Variants in IPCEF1 observed in about 807,000 individuals in gnomAD.
The protein encoded by IPCEF1 is interactor protein for cytohesin exchange factors 1.
IPCEF1 carries 31 observed loss-of-function variants against 50.9 expected under a neutral mutation model. That is an observed-to-expected ratio of 0.61 (90% CI 0.46 to 0.82). The LOEUF is 0.82. Ranked by LOEUF, IPCEF1 falls within the 40% of genes least tolerant of loss-of-function variation. The pLI, the probability that IPCEF1 is intolerant of heterozygous loss-of-function variation, is 0.00. For missense variants in IPCEF1, 458 were observed against 514.0 expected (o/e 0.89, Z 1.05); for synonymous variants, 181 against 192.0 (o/e 0.94, Z 0.47).
At chr6:154,317,856 G>T (rs1783262858) in intron 1 of IPCEF1, among the ~76,000 whole-genome samples, 1 of 151,836 alleles carries the variant, frequency 6.6e-6, no homozygotes, top group Non-Finnish European at 1.5e-5. Context: ...TGAAGAGAAA[G>T]AAAAACATGT....
chr6:154,292,783 A>T (rs1782545964), intron 1 of IPCEF1, among the ~76,000 whole-genome samples: 1 of 152,206 alleles, frequency 6.6e-6, no homozygotes, highest in Non-Finnish European at 1.5e-5. Flanking sequence ...CAGTGGAAAA[A>T]ATGGGTATTA....
chr6:154,218,463 A>G (rs1778591457), intron 7 of IPCEF1, among the ~76,000 whole-genome samples: 1 of 152,214 alleles, frequency 6.6e-6, no homozygotes, highest in South Asian at 2.1e-4. Flanking sequence ...CCAGAAATGC[A>G]GTTGCCCAGG....
chr6:154,343,019 G>C (rs1282519244), intron 1 of IPCEF1, among the ~76,000 whole-genome samples: 3 of 152,182 alleles, frequency 2.0e-5, no homozygotes, highest in African/African-American at 7.2e-5. Context: ...AGGAGGCTGA[G>C]GCAGGAGGAT....
At chr6:154,324,214 T>A (rs1481464278) in intron 1 of IPCEF1, among the ~76,000 whole-genome samples, 1 of 152,188 alleles carries the variant, frequency 6.6e-6, no homozygotes, top group Non-Finnish European at 1.5e-5. Context: ...GGAACACATC[T>A]AATAAAGCTA....
chr6:154,353,780 T>C (rs192127652), intron 1 of IPCEF1, among the ~76,000 whole-genome samples: 114 of 152,334 alleles, frequency 7.5e-4, no homozygotes, highest in African/African-American at 2.6e-3. Flanking sequence ...TCTGCAGTAT[T>C]TTTACATAGT....
intron 10 of IPCEF1, among the ~76,000 whole-genome samples, chr6:154,171,866 A>T: frequency 6.6e-6 from 1 of 152,216 alleles, no homozygotes. Flanking sequence ...TTTTTAAAAA[A>T]ATACAGCTAA....
At chr6:154,210,896 G>A (rs936754454) in intron 9 of IPCEF1, among the ~76,000 whole-genome samples, 3 of 152,192 alleles carry the variant, frequency 2.0e-5, no homozygotes, top group East Asian at 1.9e-4. Flanking sequence ...ATTAGAAAAT[G>A]ACCACAATTC....
At chr6:154,299,417 A>G (rs927337831) in intron 1 of IPCEF1, among the ~76,000 whole-genome samples, 5 of 141,776 alleles carry the variant, frequency 3.5e-5, no homozygotes, top group Non-Finnish European at 6.3e-5. Flanking sequence ...TGGCACATAT[A>G]TATCATGGAA....
At chr6:154,350,577 C>T (rs1784103601) in intron 1 of IPCEF1, among the ~76,000 whole-genome samples, 1 of 152,220 alleles carries the variant, frequency 6.6e-6, no homozygotes, top group Non-Finnish European at 1.5e-5. Context: ...TACAGATGGG[C>T]TTATTACTAG....
chr6:154,186,576 A>G (rs1406984757), intron 10 of IPCEF1, among the ~76,000 whole-genome samples: 2 of 149,068 alleles, frequency 1.3e-5, no homozygotes. Flanking sequence ...TTTTTTTTTG[A>G]GACGGAGTCT....
At chr6:154,307,406 C>A (rs1476312028) in intron 1 of IPCEF1, among the ~76,000 whole-genome samples, 1 of 152,196 alleles carries the variant, frequency 6.6e-6, no homozygotes, top group Non-Finnish European at 1.5e-5. Context: ...GCTTCCCCAG[C>A]CACATGCAAC....
chr6:154,290,587 G>A (rs75703131), intron 1 of IPCEF1, among the ~76,000 whole-genome samples: 1,935 of 152,256 alleles, frequency 0.013, 47 homozygotes, highest in African/African-American at 0.043. Flanking sequence ...CAAGAATCAA[G>A]TTGGTGCAGA....
intron 1 of IPCEF1, among the ~76,000 whole-genome samples, chr6:154,315,928 C>T (rs1274202858): frequency 1.3e-5 from 2 of 152,146 alleles, no homozygotes; most frequent in Non-Finnish European, 2.9e-5. Flanking sequence ...ACTGCAATCT[C>T]AGCTCACTGC....
chr6:154,273,193 G>A (rs1334503915), intron 2 of IPCEF1, among the ~76,000 whole-genome samples: 2 of 152,144 alleles, frequency 1.3e-5, no homozygotes, highest in African/African-American at 4.8e-5. Flanking sequence ...CTGGCATTCA[G>A]CAAGACATTA....
chr6:154,291,831 C>T (rs1462642129), intron 1 of IPCEF1, among the ~76,000 whole-genome samples: 1 of 151,878 alleles, frequency 6.6e-6, no homozygotes, highest in Non-Finnish European at 1.5e-5. Flanking sequence ...ACTACAGGTG[C>T]CCACCACCAC....
At chr6:154,313,725 T>G (rs753305631) in intron 1 of IPCEF1, among the ~76,000 whole-genome samples, 50 of 152,096 alleles carry the variant, frequency 3.3e-4, no homozygotes, top group Non-Finnish European at 6.2e-4. Flanking sequence ...GAAATTCATC[T>G]TCTGGTTCTT....
intron 1 of IPCEF1, among the ~76,000 whole-genome samples, chr6:154,297,651 C>T (rs775790204): frequency 7.2e-5 from 11 of 152,226 alleles, no homozygotes; most frequent in Non-Finnish European, 8.8e-5. Context: ...TCACCATCAT[C>T]CCCAGGTCCA....
chr6:154,356,363 G>A (rs1277539594), intron 1 of IPCEF1, among the ~76,000 whole-genome samples: 1 of 152,190 alleles, frequency 6.6e-6, no homozygotes, highest in African/African-American at 2.4e-5. Context: ...CCAAATACAT[G>A]CTGAATTGTG....
At chr6:154,221,494 T>C (rs1778853269) in intron 6 of IPCEF1, among the ~76,000 whole-genome samples, 166 bp from the exon 7 acceptor site, 1 of 152,224 alleles carries the variant, frequency 6.6e-6, no homozygotes, top group Non-Finnish European at 1.5e-5. Context: ...AGTCTCTGTT[T>C]CATATAGAGA....
Sources: allele counts gnomAD v4.1 joint callset (sites outside exome capture counted in the v4.1 genomes callset), GRCh38; gene constraint gnomAD v4.1.1; transcripts MANE v1.5; gene names NCBI Gene and HGNC (gene_info 2026-07-23, HGNC 2026-07-21).